Variants in ARPP21 observed in about 807,000 individuals in gnomAD.
ARPP21 encodes cAMP-regulated phosphoprotein 21.
ARPP21 carries 69 observed loss-of-function variants against 113.2 expected under a neutral mutation model. That is an observed-to-expected ratio of 0.61 (90% CI 0.50 to 0.74). The LOEUF is 0.74. ARPP21 is among the 30% of genes least tolerant of loss of function. The pLI, the probability that ARPP21 is intolerant of heterozygous loss-of-function variation, is 0.00. For synonymous variants in ARPP21, 368 were observed against 375.5 expected, an observed-to-expected ratio of 0.98 and a Z score of 0.23; for missense variants, 1,070 against 1,037.4, an observed-to-expected ratio of 1.03 and a Z score of -0.43.
intron 1 of ARPP21, among the ~76,000 whole-genome samples, chr3:35,655,912 A>C (rs1559522495): frequency 6.6e-6 from 1 of 152,028 alleles, no homozygotes. Context: ...ACAAGTTCTT[A>C]GTGATGTTGA....
intron 19 of ARPP21, among the ~76,000 whole-genome samples, chr3:35,757,070 T>TTTG (rs1491269151): frequency 5.0e-5 from 2 of 40,398 alleles, no homozygotes; most frequent in African/African-American, 5.1e-4. Flanking sequence ...CTTTTAGTGA[T>TTTG]TTTTTTTTTT....
At chr3:35,685,960 T>C in intron 5 of ARPP21, 2 of 285,774 alleles carry the variant, frequency 7.0e-6, no homozygotes, top group South Asian at 2.8e-4. Flanking sequence ...TTTTCCTGAG[T>C]ATAGTATTTG....
chr3:35,758,516 A>G (rs914495377), intron 19 of ARPP21, among the ~76,000 whole-genome samples: 8 of 151,848 alleles, frequency 5.3e-5, no homozygotes, highest in Non-Finnish European at 1.2e-4. Context: ...GTTGGAGTCT[A>G]CCTCAAGTGC....
intron 11 of ARPP21, among the ~76,000 whole-genome samples, chr3:35,711,663 T>A (rs1433697982): frequency 6.6e-6 from 1 of 152,180 alleles, no homozygotes; most frequent in African/African-American, 2.4e-5. Context: ...GCTGCAGTCA[T>A]CTGAAGGCTT....
rs2096797344 is a variant in ARPP21, at chr3:35,794,141, T to C, written c.*183T>C. On this transcript the variant is annotated 3_prime_UTR_variant, in exon 21 of 21. Transcript: ENST00000684406. ...TTAGCTGGTTAATGGTGCATATTTCTGTCATGTCTGCTAGGTATGCCTTTA... is the reference window on the plus strand; with the variant it reads ...TTAGCTGGTTAATGGTGCATATTTCCGTCATGTCTGCTAGGTATGCCTTTA... 3 of 624,758 alleles carry C rather than the reference T, an allele frequency of 4.8e-6. No homozygotes were observed. Among genetic ancestry groups the C allele is most frequent in the Non-Finnish European group, 8.4e-6 (3 of 358,888 alleles). The allele number at this position is 624,758 out of a possible 1,614,324, so 38.7% of individuals were successfully genotyped here.
intron 9 of ARPP21, 51 bp from the exon 10 acceptor site, chr3:35,706,923 T>C (rs1361050620): frequency 7.0e-7 from 1 of 1,420,984 alleles, no homozygotes; most frequent in South Asian, 1.3e-5. Context: ...AAAAATAACT[T>C]TAAACAAGGG....
chr3:35,720,245 C>T (rs1353521279), intron 13 of ARPP21, among the ~76,000 whole-genome samples: 1 of 152,172 alleles, frequency 6.6e-6, no homozygotes, highest in African/African-American at 2.4e-5. Flanking sequence ...TGTACCCCTT[C>T]CTCCCTTTGC....
At chr3:35,651,917 C>T (rs889861075) in intron 1 of ARPP21, 3 of 152,056 alleles carry the variant, frequency 2.0e-5, no homozygotes, top group Non-Finnish European at 2.9e-5. Flanking sequence ...CACAGCTATA[C>T]TCTATATGAT....
At chr3:35,653,789 A>G (rs550392216) in intron 1 of ARPP21, among the ~76,000 whole-genome samples, 32 of 152,238 alleles carry the variant, frequency 2.1e-4, no homozygotes, top group South Asian at 1.2e-3. Context: ...ATCCATTAAA[A>G]CATTGAAACT....
At chr3:35,690,818 C>CA in intron 8 of ARPP21, 47 bp from the exon 9 acceptor site, 1 of 1,558,524 alleles carries the variant, frequency 6.4e-7, no homozygotes, top group Non-Finnish European at 8.7e-7. Context: ...GTATTATGGG[C>CA]AAAAAATGAA....
chr3:35,695,661 A>C (rs532078106), intron 9 of ARPP21, among the ~76,000 whole-genome samples: 1 of 151,674 alleles, frequency 6.6e-6, no homozygotes, highest in Non-Finnish European at 1.5e-5. Context: ...TCAAATAGGC[A>C]TTTAGGAAGG....
At chr3:35,745,354 G>A (rs1384901941) in intron 19 of ARPP21, among the ~76,000 whole-genome samples, 3 of 152,146 alleles carry the variant, frequency 2.0e-5, no homozygotes, top group Non-Finnish European at 4.4e-5. Context: ...GTTAATTAAA[G>A]GGTTAATTTA....
intron 1 of ARPP21, among the ~76,000 whole-genome samples, chr3:35,672,080 G>T (rs1366177136): frequency 6.6e-6 from 1 of 152,046 alleles, no homozygotes; most frequent in Non-Finnish European, 1.5e-5. Context: ...AAGACATTGA[G>T]AAAACCCTAA....
At chr3:35,671,685 G>A (rs1366644548) in intron 1 of ARPP21, among the ~76,000 whole-genome samples, 1 of 151,902 alleles carries the variant, frequency 6.6e-6, no homozygotes, top group African/African-American at 2.4e-5. Flanking sequence ...CCTCCTAAGG[G>A]GAAAAATGAC....
intron 1 of ARPP21, among the ~76,000 whole-genome samples, chr3:35,651,341 A>G (rs1179646650): frequency 1.3e-5 from 2 of 152,082 alleles, no homozygotes; most frequent in East Asian, 3.9e-4. Context: ...TACTTTTTGA[A>G]ATTACCTGTA....
chr3:35,717,175 A>T (rs1453825524), intron 12 of ARPP21, 123 bp from the exon 13 acceptor site: 9 of 568,218 alleles, frequency 1.6e-5, no homozygotes, highest in Non-Finnish European at 2.6e-5. Flanking sequence ...AAAATTCAAC[A>T]TCATATAAAT....
chr3:35,708,136 C>T (rs890657173), intron 10 of ARPP21, among the ~76,000 whole-genome samples: 14 of 151,798 alleles, frequency 9.2e-5, no homozygotes, highest in African/African-American at 3.4e-4. Context: ...CACCATGGCT[C>T]CTGTTGACTA....
At chr3:35,684,873 C>T (rs2080088167) in intron 5 of ARPP21, 3 of 984,720 alleles carry the variant, frequency 3.0e-6, no homozygotes, top group Non-Finnish European at 3.6e-6. Context: ...CTTTCAGTGG[C>T]CATTACTATG....
chr3:35,719,065 C>T (rs1426495000), intron 13 of ARPP21, among the ~76,000 whole-genome samples: 1 of 151,842 alleles, frequency 6.6e-6, no homozygotes, highest in African/African-American at 2.4e-5. Flanking sequence ...GACCAGATAT[C>T]CCATTGCTAT....
Sources: allele counts gnomAD v4.1 joint callset (sites outside exome capture counted in the v4.1 genomes callset), GRCh38; gene constraint gnomAD v4.1.1; transcripts MANE v1.5; gene names NCBI Gene and HGNC (gene_info 2026-07-23, HGNC 2026-07-21).